SLC7A11: variants seen among roughly 807,000 people sequenced by gnomAD.
SLC7A11 encodes solute carrier family 7 member 11.
A neutral mutation model predicts 54.5 loss-of-function variants in SLC7A11; 35 were observed. The observed-to-expected ratio is 0.64, with a 90% CI of 0.49 to 0.85. The LOEUF (loss-of-function observed/expected upper bound fraction) is 0.85. Ranked by LOEUF, SLC7A11 falls within the 40% of genes least tolerant of loss-of-function variation. The pLI is 0.00. For missense variants in SLC7A11, 583 were observed against 618.1 expected (o/e 0.94, Z 0.60); for synonymous variants, 230 against 225.2 (o/e 1.02, Z -0.19).
At chr4:138,201,480 A>G (rs1737285551) in intron 6 of SLC7A11, among the ~76,000 whole-genome samples, 1 of 152,148 alleles carries the variant, frequency 6.6e-6, no homozygotes, top group South Asian at 2.1e-4. Context: ...TCTCCTTAGA[A>G]AAACAATTAT....
chr4:138,168,394 TTTTCA>T lies in SLC7A11; in HGVS notation c.*3557_*3561del, dbSNP rs1295311923. On this transcript the variant is annotated 3_prime_UTR_variant, in exon 12 of 12. Coordinates refer to ENST00000280612, the MANE Select transcript of SLC7A11 (RefSeq NM_014331.4). ...ATTCTCTGGCCTTCGGTTTTTTATCTTTTCATACCTTATACCTCAATTACAAAAGA... is the reference window on the plus strand; with the variant it reads ...ATTCTCTGGCCTTCGGTTTTTTATCTTACCTTATACCTCAATTACAAAAGA... 6.6e-6 allele frequency: 1 copy of T among 152,234 alleles called. No individual in the cohort carries two copies. The highest frequency in any genetic ancestry group is 2.4e-5 in the African/African-American group (1 of 41,462). 9.4% of individuals were successfully genotyped at this position (152,234 alleles called of 1,614,324 possible). A position where few individuals can be genotyped will look rare whatever the true frequency, so the allele number is the denominator to read the frequency against.
intron 3 of SLC7A11, among the ~76,000 whole-genome samples, chr4:138,230,066 T>G (rs1002878858): frequency 6.6e-6 from 1 of 152,164 alleles, no homozygotes; most frequent in Non-Finnish European, 1.5e-5. Context: ...GGCAAGGCAC[T>G]CTGTTAAAGG....
At chr4:138,193,989 A>G (rs1033853975) in intron 6 of SLC7A11, among the ~76,000 whole-genome samples, 1 of 152,186 alleles carries the variant, frequency 6.6e-6, no homozygotes, top group African/African-American at 2.4e-5. Flanking sequence ...GTTAGTAGGA[A>G]AAGTATAAAA....
chr4:138,185,894 T>A (rs922302308), intron 6 of SLC7A11, among the ~76,000 whole-genome samples: 5 of 152,074 alleles, frequency 3.3e-5, no homozygotes, highest in Non-Finnish European at 7.4e-5. Flanking sequence ...AGCACAGAAG[T>A]GTTCACAATA....
chr4:138,221,181 C>G (rs1423268788), intron 4 of SLC7A11, among the ~76,000 whole-genome samples: 2 of 152,030 alleles, frequency 1.3e-5, no homozygotes, highest in East Asian at 3.9e-4. Context: ...GGGTCACAAG[C>G]AAAGATCTTC....
rs867906029 is a variant in SLC7A11 at position 138,189,483 on chromosome 4, C to T, written c.792-4239G>A. Among the ~76,000 whole-genome samples, 12 of 152,224 alleles carry T rather than the reference C, an allele frequency of 7.9e-5. No homozygotes were observed. In the Middle Eastern group the frequency reaches 0.014, roughly 173 times the overall value. On this transcript the variant is annotated intron_variant, in intron 6 of 11. Coordinates refer to ENST00000280612, the MANE Select transcript of SLC7A11 (RefSeq NM_014331.4). Reference sequence around the variant, plus strand: ...ACCTCTTCTGGCCCTGAGTTCCACACGCATGGTATATCTTGTCACAATGTC... The same window carrying T: ...ACCTCTTCTGGCCCTGAGTTCCACATGCATGGTATATCTTGTCACAATGTC...
At position 138,220,815 on chromosome 4, in the gene SLC7A11, C is replaced by G. The variant is rs553488757; in HGVS notation, c.647-1450G>C. 4.8e-3 allele frequency among the ~76,000 whole-genome samples: 729 copies of G among 152,250 alleles called. 5 individuals carry two copies. Among genetic ancestry groups the G allele is most frequent in the Non-Finnish European group, 8.2e-3 (555 of 68,008 alleles). On this transcript the variant is annotated intron_variant, in intron 4 of 11. Coordinates refer to ENST00000280612, the MANE Select transcript of SLC7A11 (RefSeq NM_014331.4). ...GTATGAGACACTCTCTCTTCCAAGTCAAATCTCAGTTTTTCCTGCATTCAT... is the reference window on the plus strand; with the variant it reads ...GTATGAGACACTCTCTCTTCCAAGTGAAATCTCAGTTTTTCCTGCATTCAT...
rs1168561819 is a variant in SLC7A11 at position 138,180,798 on chromosome 4, G to T, written c.1117-8C>A. 2 of 1,606,386 alleles carry T rather than the reference G, an allele frequency of 1.2e-6. No homozygotes were observed. The highest frequency in any genetic ancestry group is 2.7e-5 in the African/African-American group (2 of 74,468). ...TATCATTGTCAAAGGGTGCTGAGGGGGGAAAGGGAAGCAAGCTTGGTGAAT... is the reference window on the plus strand; with the variant it reads ...TATCATTGTCAAAGGGTGCTGAGGGTGGAAAGGGAAGCAAGCTTGGTGAAT... On this transcript the variant is annotated splice_polypyrimidine_tract_variant and splice_region_variant and intron_variant, in intron 9 of 11. Transcript: ENST00000280612.
intron 7 of SLC7A11, among the ~76,000 whole-genome samples, chr4:138,183,843 A>C (rs1425011493): frequency 1.3e-5 from 2 of 152,070 alleles, no homozygotes; most frequent in African/African-American, 4.8e-5. Context: ...AGAAAATCAC[A>C]CTAGCTAAAT....
chr4:138,194,160 G>A (rs1737076333), intron 6 of SLC7A11, among the ~76,000 whole-genome samples: 1 of 152,074 alleles, frequency 6.6e-6, no homozygotes, highest in South Asian at 2.1e-4. Context: ...CCAGTTCAGA[G>A]AGATAATATG....
intron 11 of SLC7A11, among the ~76,000 whole-genome samples, chr4:138,178,748 T>C (rs1349523017): frequency 6.6e-6 from 1 of 152,166 alleles, no homozygotes; most frequent in Admixed American, 6.6e-5. Flanking sequence ...CTTGTTATTA[T>C]AATCCTTCAT....
At chr4:138,209,346 G>A (rs1216840210) in intron 6 of SLC7A11, among the ~76,000 whole-genome samples, 1 of 151,676 alleles carries the variant, frequency 6.6e-6, no homozygotes, top group Non-Finnish European at 1.5e-5. Flanking sequence ...CATTTATCTT[G>A]GCACATCACA....
At chr4:138,222,256 T>C (rs1303820593) in intron 4 of SLC7A11, among the ~76,000 whole-genome samples, 1 of 152,232 alleles carries the variant, frequency 6.6e-6, no homozygotes, top group Non-Finnish European at 1.5e-5. Flanking sequence ...TTTGTCATTA[T>C]TTAATGCTTC....
At chr4:138,239,857 G>C (rs559278254) in intron 1 of SLC7A11, among the ~76,000 whole-genome samples, 1 of 152,314 alleles carries the variant, frequency 6.6e-6, no homozygotes, top group South Asian at 2.1e-4. Flanking sequence ...ATGCACATAA[G>C]TACGCAAAGT....
intron 1 of SLC7A11, 113 bp from the exon 2 acceptor site, chr4:138,236,564 G>T: frequency 1.0e-6 from 1 of 977,904 alleles, no homozygotes; most frequent in Non-Finnish European, 1.5e-6. Flanking sequence ...TGCCTCCTTT[G>T]GTCTGAATGG....
intron 3 of SLC7A11, among the ~76,000 whole-genome samples, chr4:138,231,594 G>C (rs577439263): frequency 1.1e-3 from 163 of 152,142 alleles, no homozygotes; most frequent in Non-Finnish European, 1.6e-4. Flanking sequence ...TAAGGATTTG[G>C]TACCTGGCAT....
chr4:138,210,356 C>T (rs946573370), intron 6 of SLC7A11, among the ~76,000 whole-genome samples: 4 of 151,820 alleles, frequency 2.6e-5, no homozygotes, highest in African/African-American at 9.7e-5. Context: ...TGACTAAGTT[C>T]TCAGAAGCAA....
At chr4:138,215,306 T>C (rs1737654767) in intron 5 of SLC7A11, among the ~76,000 whole-genome samples, 1 of 152,130 alleles carries the variant, frequency 6.6e-6, no homozygotes, top group Non-Finnish European at 1.5e-5. Flanking sequence ...ACCTTTTACA[T>C]AGGTATGCAG....
intron 11 of SLC7A11, among the ~76,000 whole-genome samples, chr4:138,173,840 A>G (rs1736498788): frequency 6.6e-6 from 1 of 152,046 alleles, no homozygotes; most frequent in African/African-American, 2.4e-5. Context: ...ATAAGGGAGC[A>G]CTCAAGAGCA....
Sources: allele counts gnomAD v4.1 joint callset (sites outside exome capture counted in the v4.1 genomes callset), GRCh38; gene constraint gnomAD v4.1.1; transcripts MANE v1.5; gene names NCBI Gene and HGNC (gene_info 2026-07-23, HGNC 2026-07-21).